The following IL24 variants were observed in gnomAD, a reference collection of about 807,000 sequenced individuals.
IL24 encodes the protein interleukin 24.
A neutral mutation model predicts 27.6 loss-of-function variants in IL24; 24 were observed. That is an observed-to-expected ratio of 0.87 (90% CI 0.63 to 1.22). The LOEUF (loss-of-function observed/expected upper bound fraction) is 1.22, where lower values mean the gene tolerates loss of function less well. Among genes scored for constraint, IL24 ranks in the 50% most tolerant of loss-of-function variants. The probability of loss-of-function intolerance (pLI) is 0.00; values close to 1 mark genes in which losing one functional copy is unlikely to be tolerated. For synonymous variants in IL24, 99 were observed against 93.1 expected, an observed-to-expected ratio of 1.06 and a Z score of -0.36; for missense variants, 240 against 237.0, an observed-to-expected ratio of 1.01 and a Z score of -0.08.
At chr1:206,899,270 C>T (rs369398500) in intron 2 of IL24, 50 bp from the exon 3 acceptor site, 2 of 1,583,744 alleles carry the variant, frequency 1.3e-6, no homozygotes, top group African/African-American at 2.7e-5. Flanking sequence ...GGGCATGTAA[C>T]TCTGGGTCAG....
intron 2 of IL24, among the ~76,000 whole-genome samples, chr1:206,898,247 C>G (rs1210218515): frequency 6.6e-6 from 1 of 151,934 alleles, no homozygotes; most frequent in Non-Finnish European, 1.5e-5. Flanking sequence ...AAGCATAGCC[C>G]CCGTCCCCCG....
At chr1:206,902,533 C>T (rs1184611975) in intron 6 of IL24, 6 of 983,116 alleles carry the variant, frequency 6.1e-6, no homozygotes, top group Non-Finnish European at 7.2e-6. Context: ...ATTTCATCCC[C>T]AGCCCCCCTA....
intron 2 of IL24, 143 bp from the exon 3 acceptor site, chr1:206,899,177 G>A (rs1476474195): frequency 7.4e-6 from 6 of 810,500 alleles, no homozygotes; most frequent in Admixed American, 5.8e-5. Context: ...ACCTTAGCAA[G>A]GCTGCCGGTT....
chr1:206,901,352 C>T lies in IL24; in HGVS notation c.304-142C>T. 6 of 912,474 alleles carry T rather than the reference C, an allele frequency of 6.6e-6. No homozygotes were observed. In the South Asian group the frequency reaches 1.4e-4, roughly 21 times the overall value. The allele number at this position is 912,474 out of a possible 1,614,324, so 56.5% of individuals were successfully genotyped here. On this transcript the variant is annotated intron_variant, in intron 4 of 6. Transcript: ENST00000294984. ...TCTCCATGGCCCCTGAAGGCTCCTA[C>T]AGATCTAAGGTTCATCATCACCTTC...
chr1:206,901,295 G>C (rs1465205887), intron 4 of IL24, among the ~76,000 whole-genome samples, 199 bp from the exon 5 acceptor site: 1 of 152,100 alleles, frequency 6.6e-6, no homozygotes, highest in Non-Finnish European at 1.5e-5. Context: ...CTCTCCCTGG[G>C]TCTTGGTTCC....
chr1:206,897,680 A>G, intron 1 of IL24, 51 bp from the exon 2 acceptor site: 2 of 613,748 alleles, frequency 3.3e-6, no homozygotes, highest in Admixed American at 2.9e-5. Context: ...ATTTGTGAAA[A>G]GGGGTCAAGG....
intron 3 of IL24, 64 bp downstream of exon 3, chr1:206,899,579 G>A (rs549490223): frequency 3.6e-4 from 470 of 1,317,744 alleles, no homozygotes; most frequent in Middle Eastern, 1.6e-3. Context: ...CCAGTGGGGC[G>A]AGGGGATGCT....
Position 206,897,536 on chromosome 1 carries a change from G to A in IL24, c.-182G>A, listed in dbSNP as rs188788215. 1 of 249,314 alleles carries A rather than the reference G, an allele frequency of 4.0e-6. No homozygotes were observed. Among genetic ancestry groups the A allele is most frequent in the East Asian group, 8.6e-5 (1 of 11,664 alleles). The allele number at this position is 249,314 out of a possible 1,614,324, so 15.4% of individuals were successfully genotyped here. ...ATGCCTCTGATTGGTGAATGGTGAA[G>A]GTGCCTGTCTAACTTTTCTGTAAAA... is the stretch of plus-strand genomic sequence containing the variant. On this transcript the variant is annotated 5_prime_UTR_variant, in exon 1 of 7. Transcript: ENST00000294984.
intron 1 of IL24, 43 bp downstream of exon 1, chr1:206,897,658 G>C (rs1678211452): frequency 7.1e-6 from 4 of 561,570 alleles, no homozygotes; most frequent in Non-Finnish European, 3.2e-6. Flanking sequence ...TGAAGGACTA[G>C]ACCTCTGCTT....
At position 206,897,849 on chromosome 1, in the gene IL24, G is replaced by C. The variant is rs1426751021; in HGVS notation, c.17G>C (p.Arg6Thr). Reference sequence around the variant, plus strand: ...GACTGAGAGATGAATTTTCAACAGAGGCTGCAAAGCCTGTGGACTTTAGCC... The same window carrying C: ...GACTGAGAGATGAATTTTCAACAGACGCTGCAAAGCCTGTGGACTTTAGCC... MNFQQ[R>T]LQSLWTLARP... The change falls in exon 2 of 7, where the codon AGG becomes ACG. Residue 6 changes from arginine (R) to threonine (T), a missense_variant. Physicochemically the swap from Arg to Thr is moderately conservative, Grantham distance 71. Coordinates refer to ENST00000294984, the MANE Select transcript of IL24 (RefSeq NM_006850.3). 1.2e-6 allele frequency: 2 copies of C among 1,610,058 alleles called. No homozygotes were observed. The highest frequency in any genetic ancestry group is 2.2e-5 in the East Asian group (1 of 44,844).
intron 2 of IL24, among the ~76,000 whole-genome samples, 154 bp downstream of exon 2, chr1:206,898,030 T>C (rs112141448): frequency 6.6e-6 from 1 of 152,134 alleles, no homozygotes. Context: ...GTGTTTTTGA[T>C]ATTTTCAGAT....
At chr1:206,899,139 A>G (rs1678272256) in intron 2 of IL24, among the ~76,000 whole-genome samples, 181 bp from the exon 3 acceptor site, 1 of 152,222 alleles carries the variant, frequency 6.6e-6, no homozygotes, top group African/African-American at 2.4e-5. Flanking sequence ...TTTGAGGGGC[A>G]GAAAGACCCC....
At position 206,903,256 on chromosome 1, in the gene IL24, G is replaced by A; in HGVS notation, c.*197G>A. The A allele has an allele frequency of 1.8e-6, 1 of 568,118 alleles. No individual in the cohort carries two copies. Among genetic ancestry groups the A allele is most frequent in the South Asian group, 2.2e-5 (1 of 45,206 alleles). The allele number at this position is 568,118 out of a possible 1,614,324, so 35.2% of individuals were successfully genotyped here. ...GTCAGGGAAGGTGCCTCTGGATGCT[G>A]TGAAGAGTCTACAGAGAAGATTCTT... On this transcript the variant is annotated 3_prime_UTR_variant, in exon 7 of 7. Coordinates refer to ENST00000294984, the MANE Select transcript of IL24 (RefSeq NM_006850.3).
Position 206,903,108 on chromosome 1 carries a change from G to A in IL24, c.*49G>A, listed in dbSNP as rs368058959. ...CCCCTGGCACTGGTTTGTTCCCTGT[G>A]TCATTTCAAACAGTCTCCCTTCCTA... On this transcript the variant is annotated 3_prime_UTR_variant, in exon 7 of 7. Transcript: ENST00000294984. The A allele has an allele frequency of 1.9e-5, 28 of 1,497,368 alleles. No individual in the cohort carries two copies. Among genetic ancestry groups the A allele is most frequent in the Non-Finnish European group, 2.5e-5 (27 of 1,073,950 alleles). The allele number at this position is 1,497,368 out of a possible 1,614,324, so 92.8% of individuals were successfully genotyped here.
rs1678471173 is a variant in IL24, at chr1:206,903,258, G to T, written c.*199G>T. 1 of 567,272 alleles carries T rather than the reference G, an allele frequency of 1.8e-6. No individual in the cohort carries two copies. Among genetic ancestry groups the T allele is most frequent in the East Asian group, 2.9e-5 (1 of 34,564 alleles). The allele number at this position is 567,272 out of a possible 1,614,324, so 35.1% of individuals were successfully genotyped here. A position where few individuals can be genotyped will look rare whatever the true frequency, so the allele number is the denominator to read the frequency against. Reference sequence around the variant, plus strand: ...CAGGGAAGGTGCCTCTGGATGCTGTGAAGAGTCTACAGAGAAGATTCTTGT... The same window carrying T: ...CAGGGAAGGTGCCTCTGGATGCTGTTAAGAGTCTACAGAGAAGATTCTTGT... On this transcript the variant is annotated 3_prime_UTR_variant, in exon 7 of 7. Transcript: ENST00000294984.
intron 3 of IL24, among the ~76,000 whole-genome samples, chr1:206,899,720 G>T (rs1313199081): frequency 6.6e-6 from 1 of 152,128 alleles, no homozygotes; most frequent in Non-Finnish European, 1.5e-5. Flanking sequence ...AAAAAATGTG[G>T]GCAGCCTCGA....
intron 2 of IL24, 45 bp from the exon 3 acceptor site, chr1:206,899,275 G>C (rs954270559): frequency 1.3e-6 from 2 of 1,592,764 alleles, no homozygotes; most frequent in Admixed American, 3.4e-5. Context: ...TGTAACTCTG[G>C]GTCAGAGGGC....
At chr1:206,898,298 A>G (rs1678238386) in intron 2 of IL24, among the ~76,000 whole-genome samples, 1 of 152,070 alleles carries the variant, frequency 6.6e-6, no homozygotes, top group Non-Finnish European at 1.5e-5. Context: ...TAGCCCAGGT[A>G]CCAGCAGAAC....
chr1:206,901,122 G>A (rs1678358457), intron 4 of IL24, among the ~76,000 whole-genome samples: 1 of 152,132 alleles, frequency 6.6e-6, no homozygotes, highest in African/African-American at 2.4e-5. Context: ...ATATCACCAA[G>A]TCCAAGTTCA....
Sources: allele counts gnomAD v4.1 joint callset (sites outside exome capture counted in the v4.1 genomes callset), GRCh38; gene constraint gnomAD v4.1.1; transcripts MANE v1.5; gene names NCBI Gene and HGNC (gene_info 2026-07-23, HGNC 2026-07-21).